The following ABCA1 variants were observed in gnomAD, a reference collection of about 807,000 sequenced individuals.
ABCA1 encodes the protein phospholipid-transporting ATPase ABCA1.
ABCA1 carries 133 observed loss-of-function variants against 262.5 expected under a neutral mutation model. The observed-to-expected ratio is 0.51, with a 90% CI of 0.44 to 0.59. The LOEUF is 0.59. ABCA1 is among the 20% of genes least tolerant of loss of function. ABCA1 has a pLI of 0.00. For missense variants in ABCA1, 2,452 were observed against 2,777.5 expected (o/e 0.88, Z 2.63); for synonymous variants, 1,022 against 1,043.5 (o/e 0.98, Z 0.40).
intron 7 of ABCA1, chr9:104,856,015 C>A (rs1835804611): frequency 1.2e-6 from 2 of 1,612,758 alleles, no homozygotes; most frequent in African/African-American, 1.3e-5. Flanking sequence ...CTTTGCATCT[C>A]CGGTTGCTGC....
intron 7 of ABCA1, among the ~76,000 whole-genome samples, chr9:104,854,771 C>T (rs777797205): frequency 7.9e-5 from 12 of 152,130 alleles, no homozygotes; most frequent in South Asian, 2.1e-4. Context: ...ATACAATGAG[C>T]GCACTCCATA....
rs187868277 is a variant in ABCA1 at position 104,869,554 on chromosome 9, G to A, written c.422-7754C>T. On this transcript the variant is annotated intron_variant, in intron 5 of 49. Transcript: ENST00000374736. ...TCTGCTGTCTTCTTGAAGAATAGACGATGCCTGCTTCACCAATAGCTGAGC... is the reference window on the plus strand; with the variant it reads ...TCTGCTGTCTTCTTGAAGAATAGACAATGCCTGCTTCACCAATAGCTGAGC... Among the ~76,000 whole-genome samples the A allele has an allele frequency of 9.7e-4, 147 of 152,234 alleles. 3 individuals carry two copies. Among genetic ancestry groups the A allele is most frequent in the Non-Finnish European group, 1.2e-3 (85 of 68,018 alleles).
rs72732675 is a variant in ABCA1, at chr9:104,805,522, A to G, written c.4464+719T>C. Among the ~76,000 whole-genome samples the G allele has an allele frequency of 1.7e-3, 256 of 151,838 alleles. 1 individual carries two copies. The highest frequency in any genetic ancestry group is 1.8e-3 in the Non-Finnish European group (122 of 67,896). On this transcript the variant is annotated intron_variant, in intron 31 of 49. Coordinates refer to ENST00000374736, the MANE Select transcript of ABCA1 (RefSeq NM_005502.4). The stretch of plus-strand genomic sequence containing the variant: ...ACTCCTCTTCCTGAAATTCTCAAGA[A>G]AAAAAAAATGGCTCAGGACTCCTTC...
rs976402066 is a variant in ABCA1, at chr9:104,858,563, G to C, written c.679C>G (p.Arg227Gly). The change falls in exon 7 of 50, where the codon CGA becomes GGA. Residue 227 changes from arginine (R) to glycine (G), a missense_variant. By Grantham distance (125) the Arg-to-Gly change is moderately radical. This residue lies in a region of ABCA1 where 1,032 missense variants were observed against 1,089.7 expected (regional missense o/e 0.95). Coordinates refer to ENST00000374736, the MANE Select transcript of ABCA1 (RefSeq NM_005502.4). ...ATGTCCATGTTGGAACGAAGTACTC[G>C]CTCTGCTGCAGCCAGTTTCTCCCTT... The part of the protein sequence containing the change: ...LPREKLAAAE[R>G]VLRSNMDILK... 4 of 1,613,992 alleles carry C rather than the reference G, an allele frequency of 2.5e-6. No homozygotes were observed. The highest frequency in any genetic ancestry group is 3.4e-6 in the Non-Finnish European group (4 of 1,180,028).
intron 7 of ABCA1, among the ~76,000 whole-genome samples, chr9:104,850,329 C>G (rs1044569602): frequency 1.1e-4 from 17 of 152,146 alleles, no homozygotes; most frequent in African/African-American, 3.6e-4. Flanking sequence ...ACCATGTTGG[C>G]CAAGCTGGTC....
At chr9:104,805,989 C>T (rs1362297979) in intron 31 of ABCA1, among the ~76,000 whole-genome samples, 1 of 152,116 alleles carries the variant, frequency 6.6e-6, no homozygotes, top group Admixed American at 6.5e-5. Context: ...CCTGTAATCC[C>T]AGCTACTCAG....
At chr9:104,831,570 A>T (rs1469262033) in intron 13 of ABCA1, 52 bp downstream of exon 13, 2 of 1,452,038 alleles carry the variant, frequency 1.4e-6, no homozygotes, top group African/African-American at 2.8e-5. Context: ...CTAATATAAT[A>T]GGTGCTCTGG....
At chr9:104,856,839 G>A (rs1191756577) in intron 7 of ABCA1, among the ~76,000 whole-genome samples, 1 of 152,126 alleles carries the variant, frequency 6.6e-6, no homozygotes, top group Non-Finnish European at 1.5e-5. Context: ...CCAAGAAAAT[G>A]GTTTTGTAAC....
At chr9:104,811,035 C>T in intron 28 of ABCA1, 111 bp from the exon 29 acceptor site, 1 of 1,504,852 alleles carries the variant, frequency 6.6e-7, no homozygotes. Context: ...GACCAACCAG[C>T]ACGGCAATGA....
chr9:104,839,472 CTT>C (rs1239149957), intron 9 of ABCA1, among the ~76,000 whole-genome samples: 1 of 152,136 alleles, frequency 6.6e-6, no homozygotes, highest in African/African-American at 2.4e-5. Context: ...AATGAGATAA[CTT>C]AAACAGAATG....
At chr9:104,822,391 T>C (rs950032125) in intron 19 of ABCA1, 105 bp downstream of exon 19, 21 of 1,465,160 alleles carry the variant, frequency 1.4e-5, no homozygotes, top group Middle Eastern at 2.4e-4. Flanking sequence ...CATGTGCTCC[T>C]TCCCTTGGCC....
intron 5 of ABCA1, among the ~76,000 whole-genome samples, chr9:104,882,345 C>CTA: frequency 6.6e-6 from 1 of 152,224 alleles, no homozygotes; most frequent in African/African-American, 2.4e-5. Flanking sequence ...AGACCATGCA[C>CTA]ATGCCATTAC....
chr9:104,920,375 G>C (rs1842079196), intron 1 of ABCA1, among the ~76,000 whole-genome samples: 1 of 152,154 alleles, frequency 6.6e-6, no homozygotes, highest in Non-Finnish European at 1.5e-5. Flanking sequence ...ATAGTAATAT[G>C]AATTGGTGAT....
intron 18 of ABCA1, among the ~76,000 whole-genome samples, chr9:104,822,947 A>G (rs1588306024): frequency 6.6e-6 from 1 of 152,108 alleles, no homozygotes; most frequent in East Asian, 1.9e-4. Flanking sequence ...TAAAAAATAC[A>G]TCTAAAAATG....
chr9:104,803,439 G>C (rs1008118171), intron 32 of ABCA1, 123 bp from the exon 33 acceptor site: 110 of 1,023,294 alleles, frequency 1.1e-4, no homozygotes, highest in Non-Finnish European at 3.1e-5. Flanking sequence ...CCTAGAATCA[G>C]CTGGCCTTGT....
chr9:104,861,002 C>T (rs971865760), intron 6 of ABCA1, among the ~76,000 whole-genome samples: 5 of 152,042 alleles, frequency 3.3e-5, no homozygotes, highest in African/African-American at 7.2e-5. Context: ...GTGATTTTCC[C>T]GCCTTGGCCT....
chr9:104,872,311 T>C (rs926607246), intron 5 of ABCA1, among the ~76,000 whole-genome samples: 2 of 152,244 alleles, frequency 1.3e-5, no homozygotes, highest in African/African-American at 4.8e-5. Flanking sequence ...GCTTTGGTTC[T>C]TTCCACTATA....
intron 1 of ABCA1, among the ~76,000 whole-genome samples, chr9:104,913,830 C>G (rs995176522): frequency 2.6e-5 from 4 of 152,164 alleles, no homozygotes; most frequent in Admixed American, 2.0e-4. Context: ...GAGTCTGGCT[C>G]TGTCGCCCAG....
rs147817797 is a variant in ABCA1, at chr9:104,860,888, C to T, written c.543+791G>A. Among the ~76,000 whole-genome samples, 763 of 151,500 alleles carry T rather than the reference C, an allele frequency of 5.0e-3. 3 individuals are homozygous for T. The highest frequency in any genetic ancestry group is 0.017 in the African/African-American group (709 of 41,198). On this transcript the variant is annotated intron_variant, in intron 6 of 49. Transcript: ENST00000374736. ...TCTCCTGTCTCAGCCTCACGAGTAGCTGGGACTACAGGAGCATGCCACCAC... is the reference window on the plus strand; with the variant it reads ...TCTCCTGTCTCAGCCTCACGAGTAGTTGGGACTACAGGAGCATGCCACCAC...
Sources: allele counts gnomAD v4.1 joint callset (sites outside exome capture counted in the v4.1 genomes callset), GRCh38; gene constraint gnomAD v4.1.1; regional missense constraint gnomAD v4.1.1; transcripts MANE v1.5; gene names NCBI Gene and HGNC (gene_info 2026-07-23, HGNC 2026-07-21).